Variants in ERC2 observed in about 807,000 individuals in gnomAD.
The protein encoded by ERC2 is ELKS/RAB6-interacting/CAST family member 2.
Under a neutral mutation model 114.8 loss-of-function variants are expected in ERC2, and 42 were observed. That is an observed-to-expected ratio of 0.37 (90% CI 0.29 to 0.47). The LOEUF (loss-of-function observed/expected upper bound fraction) is 0.47. Among genes scored for constraint, ERC2 ranks in the 20% least tolerant of loss-of-function variants. The pLI is 0.99. For synonymous variants in ERC2, 454 were observed against 425.5 expected, an observed-to-expected ratio of 1.07 and a Z score of -0.82; for missense variants, 939 against 1,150.7, an observed-to-expected ratio of 0.82 and a Z score of 2.66.
At chr3:56,273,796 T>G (rs1367407645) in intron 3 of ERC2, among the ~76,000 whole-genome samples, 1 of 152,190 alleles carries the variant, frequency 6.6e-6, no homozygotes, top group African/African-American at 2.4e-5. Context: ...GCCAGAACAC[T>G]GTTGCAATGT....
rs550147460 is a variant in ERC2, at chr3:56,223,942, A to G, written c.1075-50422T>C. Among the ~76,000 whole-genome samples the G allele has an allele frequency of 3.3e-5, 5 of 152,368 alleles. No homozygotes were observed. The East Asian group carries it at 9.6e-4, about 29-fold the overall frequency. ...TCTTACATAACTTCAAGTGAATAAT[A>G]TGTAAAGAGATATCCATAGCAACTT... On this transcript the variant is annotated intron_variant, in intron 3 of 17. Coordinates refer to ENST00000288221, the MANE Select transcript of ERC2 (RefSeq NM_015576.3).
At chr3:55,590,768 G>A (rs2057835999) in intron 17 of ERC2, among the ~76,000 whole-genome samples, 1 of 152,228 alleles carries the variant, frequency 6.6e-6, no homozygotes, top group South Asian at 2.1e-4. Flanking sequence ...AGCATCTGGT[G>A]TTGTAATCAA....
At chr3:55,714,956 A>G (rs992877542) in intron 15 of ERC2, among the ~76,000 whole-genome samples, 1 of 151,610 alleles carries the variant, frequency 6.6e-6, no homozygotes, top group African/African-American at 2.4e-5. Flanking sequence ...TGGGGAAAAG[A>G]CTCCTGAGAC....
intron 15 of ERC2, among the ~76,000 whole-genome samples, chr3:55,714,659 G>GTATA (rs1559538570): frequency 2.8e-5 from 2 of 70,846 alleles, no homozygotes; most frequent in Non-Finnish European, 4.8e-5. Context: ...GTGTGTGTGT[G>GTATA]TGTGTGTGTA....
intron 7 of ERC2, among the ~76,000 whole-genome samples, chr3:56,079,235 A>T (rs1035416051): frequency 3.9e-5 from 6 of 152,142 alleles, no homozygotes; most frequent in Non-Finnish European, 8.8e-5. Context: ...ATCAAACTAA[A>T]AATTGATTCA....
chr3:56,198,467 C>T (rs2048232794), intron 3 of ERC2, among the ~76,000 whole-genome samples: 1 of 152,154 alleles, frequency 6.6e-6, no homozygotes, highest in East Asian at 1.9e-4. Context: ...TCAGAGGAGA[C>T]TGCGGCCTGA....
At position 55,844,244 on chromosome 3, in the gene ERC2, A is replaced by G. The variant is rs72877196; in HGVS notation, c.2564+44145T>C. ...TAGAAATGTAGGCAAATGTTCATCA[A>G]AACACAGTTAGTAGAATGTCACAGC... On this transcript the variant is annotated intron_variant, in intron 14 of 17. Coordinates refer to ENST00000288221, the MANE Select transcript of ERC2 (RefSeq NM_015576.3). 7.9e-4 allele frequency among the ~76,000 whole-genome samples: 120 copies of G among 152,310 alleles called. 1 individual carries two copies. Among genetic ancestry groups the G allele is most frequent in the African/African-American group, 2.8e-3 (116 of 41,564 alleles).
At chr3:55,994,162 G>C (rs1253733938) in intron 10 of ERC2, among the ~76,000 whole-genome samples, 1 of 150,486 alleles carries the variant, frequency 6.6e-6, no homozygotes, top group Non-Finnish European at 1.5e-5. Context: ...GACATTTCTT[G>C]AACTATCCAA....
At chr3:55,857,127 T>A (rs957744181) in intron 14 of ERC2, among the ~76,000 whole-genome samples, 3 of 152,102 alleles carry the variant, frequency 2.0e-5, no homozygotes, top group African/African-American at 7.2e-5. Context: ...GTACCAAAAA[T>A]CACTGAATTG....
At chr3:55,862,912 C>A (rs758610992) in intron 14 of ERC2, among the ~76,000 whole-genome samples, 3 of 152,076 alleles carry the variant, frequency 2.0e-5, no homozygotes, top group Non-Finnish European at 4.4e-5. Flanking sequence ...TGGTTGGGTT[C>A]CAAAAAGAAA....
At chr3:56,412,074 C>A (rs920410094) in intron 2 of ERC2, among the ~76,000 whole-genome samples, 1 of 152,256 alleles carries the variant, frequency 6.6e-6, no homozygotes, top group Non-Finnish European at 1.5e-5. Context: ...TTAGGACAAG[C>A]CCTAAGTCCA....
At chr3:55,761,600 G>A (rs2067433361) in intron 14 of ERC2, among the ~76,000 whole-genome samples, 1 of 152,152 alleles carries the variant, frequency 6.6e-6, no homozygotes, top group African/African-American at 2.4e-5. Flanking sequence ...GATGACAGAT[G>A]AGGTGATATG....
At chr3:56,468,218 GCGGCCC>G (rs1242904097) in intron 1 of ERC2, 24 bp downstream of exon 1, 1 of 152,090 alleles carries the variant, frequency 6.6e-6, no homozygotes, top group Non-Finnish European at 1.5e-5. Flanking sequence ...CGGGCACCAG[GCGGCCC>G]CGGCCCCGGC....
intron 3 of ERC2, among the ~76,000 whole-genome samples, chr3:56,295,639 G>A (rs924165102): frequency 6.6e-6 from 1 of 152,110 alleles, no homozygotes; most frequent in Admixed American, 6.6e-5. Context: ...GGGTCATTGT[G>A]TTGCTAATCC....
intron 3 of ERC2, among the ~76,000 whole-genome samples, chr3:56,218,998 T>C (rs1336549206): frequency 6.6e-6 from 1 of 151,646 alleles, no homozygotes; most frequent in African/African-American, 2.4e-5. Context: ...GTGGGGTGGT[T>C]TGGGGGGAGG....
chr3:56,041,331 C>A (rs2075180561), intron 7 of ERC2, among the ~76,000 whole-genome samples: 1 of 152,064 alleles, frequency 6.6e-6, no homozygotes, highest in East Asian at 1.9e-4. Context: ...GATATCACTG[C>A]TAGGGGCAGA....
intron 12 of ERC2, among the ~76,000 whole-genome samples, chr3:55,978,946 T>G (rs1035306137): frequency 5.9e-5 from 9 of 152,194 alleles, no homozygotes; most frequent in African/African-American, 2.2e-4. Context: ...AAGCCCCTGC[T>G]TTGCGTATTT....
At chr3:55,839,709 T>G (rs1157231072) in intron 14 of ERC2, among the ~76,000 whole-genome samples, 1 of 151,782 alleles carries the variant, frequency 6.6e-6, no homozygotes, top group Non-Finnish European at 1.5e-5. Context: ...GTGAATAAAT[T>G]GCCAAGATAA....
intron 5 of ERC2, among the ~76,000 whole-genome samples, chr3:56,146,428 C>G (rs1247184066): frequency 6.6e-6 from 1 of 152,146 alleles, no homozygotes; most frequent in Non-Finnish European, 1.5e-5. Flanking sequence ...CTGACCCTTA[C>G]TAGTACTTTT....
Sources: gnomAD v4.1 joint callset for allele counts (sites outside exome capture counted in the v4.1 genomes callset) on GRCh38, gnomAD v4.1.1 for gene constraint, MANE v1.5 for transcripts, NCBI Gene and HGNC (gene_info 2026-07-23, HGNC 2026-07-21) for gene names.